The following IQSEC1 variants were observed in gnomAD, a reference collection of about 807,000 sequenced individuals.
IQSEC1 encodes the protein IQ motif and Sec7 domain ArfGEF 1, also known as IQ motif and SEC7 domain-containing protein 1.
Under a neutral mutation model 91.0 loss-of-function variants are expected in IQSEC1, and 31 were observed. That is an observed-to-expected ratio of 0.34 (90% confidence interval 0.26 to 0.46). The LOEUF (loss-of-function observed/expected upper bound fraction) is 0.46. Among genes scored for constraint, IQSEC1 ranks in the 20% least tolerant of loss-of-function variants. IQSEC1 has a pLI of 1.00. For synonymous variants in IQSEC1, 699 were observed against 662.6 expected, an observed-to-expected ratio of 1.05 and a Z score of -0.84; for missense variants, 1,388 against 1,575.6, an observed-to-expected ratio of 0.88 and a Z score of 2.02.
rs1021796973 is a variant in IQSEC1, at chr3:13,211,547, C to T, written c.273-47414G>A. Among the ~76,000 whole-genome samples, 16 of 152,132 alleles carry T rather than the reference C, an allele frequency of 1.1e-4. No homozygotes were observed. The highest frequency in any genetic ancestry group is 1.4e-4 in the African/African-American group (6 of 41,418). On this transcript the variant is annotated intron_variant, in intron 1 of 15. Transcript: ENST00000648114. This position sits in a 1 kb window ranked among gnomAD's most constrained non-coding sequence, Gnocchi z 5.3. ...CAGTGTCTTCAGCCACCTCCCTGGA[C>T]GCCCTTCCCCTAGTAGGAGCCCACA...
intron 9 of IQSEC1, among the ~76,000 whole-genome samples, chr3:12,912,176 C>T (rs907648372): frequency 6.6e-6 from 1 of 152,214 alleles, no homozygotes; most frequent in Non-Finnish European, 1.5e-5. Flanking sequence ...GGGCTAGCGA[C>T]GTGATCCCTG....
chr3:13,042,805 G>A (rs1704333227), intron 1 of IQSEC1, among the ~76,000 whole-genome samples: 1 of 152,190 alleles, frequency 6.6e-6, no homozygotes, highest in Non-Finnish European at 1.5e-5. Context: ...GCCGGCACTG[G>A]CTGGACAGTC....
chr3:13,015,190 A>T (rs111929162), intron 1 of IQSEC1, among the ~76,000 whole-genome samples: 1 of 152,144 alleles, frequency 6.6e-6, no homozygotes, highest in South Asian at 2.1e-4. Flanking sequence ...CTCGGCTGTA[A>T]ACTGGGCATT....
chr3:12,904,602 C>A (rs1000473405), intron 12 of IQSEC1, among the ~76,000 whole-genome samples: 1 of 152,186 alleles, frequency 6.6e-6, no homozygotes, highest in Admixed American at 6.5e-5. Context: ...CTCCACCCCC[C>A]TCTTGGGTGG....
At chr3:13,209,671 G>A (rs546386077) in intron 1 of IQSEC1, among the ~76,000 whole-genome samples, 10 of 152,312 alleles carry the variant, frequency 6.6e-5, no homozygotes, top group African/African-American at 1.9e-4. Flanking sequence ...CCTGCACTTC[G>A]GATTTTTAAT....
chr3:12,906,980 A>C (rs1280219803), intron 12 of IQSEC1, among the ~76,000 whole-genome samples: 1 of 152,170 alleles, frequency 6.6e-6, no homozygotes, highest in Non-Finnish European at 1.5e-5. Context: ...TCTGTCCCCC[A>C]GGGGATACCT....
Position 12,899,867 on chromosome 3 carries a change from G to A in IQSEC1, c.*1116C>T, listed in dbSNP as rs1694051991. On this transcript the variant is annotated 3_prime_UTR_variant, in exon 14 of 14. Coordinates refer to ENST00000613206, the MANE Select transcript of IQSEC1 (RefSeq NM_001134382.3). ...TGGTGTTGGGGAGACGAGGATGAGA[G>A]CTGGTCACTTTCATGTTGGAGATGA... The A allele has an allele frequency of 1.0e-5, 10 of 985,328 alleles. No individual in the cohort carries two copies. Among genetic ancestry groups the A allele is most frequent in the Middle Eastern group, 5.2e-4 (1 of 1,914 alleles). The allele number at this position is 985,328 out of a possible 1,614,324, so 61.0% of individuals were successfully genotyped here.
chr3:12,901,147 C>T lies in IQSEC1; in HGVS notation c.3181G>A (p.Gly1061Ser), dbSNP rs746343235. ...HIQHAHQYHH[G>S]PHGGHPAYGA... is the part of the protein sequence containing the mutation. Reference sequence around the variant, plus strand: ...TAGGCTGGGTGGCCCCCATGGGGGCCGTGGTGGTACTGGTGTGCGTGCTGG... The same window carrying T: ...TAGGCTGGGTGGCCCCCATGGGGGCTGTGGTGGTACTGGTGTGCGTGCTGG... The change falls in exon 14 of 14, where the codon GGC becomes AGC. Residue 1061 changes from glycine to serine, a missense_variant. This residue lies in a region of IQSEC1 where 329 missense variants were observed against 257.8 expected (regional missense o/e 1.28). Coordinates refer to ENST00000613206, the MANE Select transcript of IQSEC1 (RefSeq NM_001134382.3). 6.5e-6 allele frequency: 10 copies of T among 1,542,866 alleles called. No individual in the cohort carries two copies. The highest frequency in any genetic ancestry group is 2.4e-5 in the South Asian group (2 of 83,816).
intron 2 of IQSEC1, among the ~76,000 whole-genome samples, chr3:13,135,549 T>C (rs544848701): frequency 6.6e-6 from 1 of 152,310 alleles, no homozygotes; most frequent in African/African-American, 2.4e-5. Context: ...GGGACAGGGA[T>C]GGACCTTTTC....
chr3:13,261,754 G>A (rs1695391945), intron 1 of IQSEC1, among the ~76,000 whole-genome samples: 1 of 152,046 alleles, frequency 6.6e-6, no homozygotes, highest in African/African-American at 2.4e-5. Flanking sequence ...CAACATACCC[G>A]TGAAATTCAC....
chr3:13,135,937 C>A (rs1302734577), intron 2 of IQSEC1, among the ~76,000 whole-genome samples: 1 of 152,186 alleles, frequency 6.6e-6, no homozygotes, highest in Non-Finnish European at 1.5e-5. Context: ...GAAGCGCAGG[C>A]CCTGCCCCAG....
In IQSEC1 at chr3:13,146,846, G is replaced by A. The variant is rs558261847; in HGVS notation, c.302+17258C>T. ...GAGACTCTGTCCCTGCTAAAAAAAA[G>A]AATAACCTTGTCAATGTGGCAATCC... On this transcript the variant is annotated intron_variant, in intron 2 of 15. Coordinates refer to the IQSEC1 transcript ENST00000648114. Among the ~76,000 whole-genome samples, 8 of 152,184 alleles carry A rather than the reference G, an allele frequency of 5.3e-5. No homozygotes were observed. In the South Asian group the frequency reaches 1.7e-3, roughly 32 times the overall value.
At chr3:13,088,833 T>C (rs1012063180) in intron 2 of IQSEC1, among the ~76,000 whole-genome samples, 1 of 152,144 alleles carries the variant, frequency 6.6e-6, no homozygotes, top group African/African-American at 2.4e-5. Flanking sequence ...CCCAGGGGGA[T>C]ATTCAAAATA....
intron 3 of IQSEC1, among the ~76,000 whole-genome samples, chr3:12,932,432 T>C (rs555047548): frequency 6.6e-6 from 1 of 152,336 alleles, no homozygotes; most frequent in African/African-American, 2.4e-5. Flanking sequence ...GTCTACCAAC[T>C]ATGTGAGACT....
At chr3:13,079,099 G>C (rs1705606692) in intron 2 of IQSEC1, among the ~76,000 whole-genome samples, 1 of 152,230 alleles carries the variant, frequency 6.6e-6, no homozygotes, top group Admixed American at 6.5e-5. Flanking sequence ...CTGCACTGAT[G>C]TTGGGGTGCC....
chr3:12,987,996 C>T (rs1239655467), intron 1 of IQSEC1, among the ~76,000 whole-genome samples: 1 of 152,240 alleles, frequency 6.6e-6, no homozygotes, highest in Non-Finnish European at 1.5e-5. Context: ...AGAGACAGCT[C>T]ATGCCATGTG....
chr3:13,125,506 C>A (rs562446954), intron 2 of IQSEC1, among the ~76,000 whole-genome samples: 1 of 152,212 alleles, frequency 6.6e-6, no homozygotes, highest in African/African-American at 2.4e-5. Context: ...GCTGGAGGTG[C>A]GGGAACCAGC....
At chr3:13,083,002 G>A (rs1367921198) in intron 2 of IQSEC1, among the ~76,000 whole-genome samples, 3 of 152,150 alleles carry the variant, frequency 2.0e-5, no homozygotes, top group Admixed American at 2.0e-4. Context: ...TGCCCCGCCA[G>A]CTCCCTCACA....
At chr3:13,084,795 C>G (rs1219908349) in intron 2 of IQSEC1, among the ~76,000 whole-genome samples, 2 of 152,188 alleles carry the variant, frequency 1.3e-5, no homozygotes, top group Non-Finnish European at 2.9e-5. Context: ...ATGCCCAGAA[C>G]TGGGGAGGCG....
Sources: gnomAD v4.1 joint callset for allele counts (sites outside exome capture counted in the v4.1 genomes callset) on GRCh38, gnomAD v4.1.1 for gene constraint, gnomAD v4.1.1 regional missense constraint, Gnocchi (gnomAD v3.1) non-coding constraint, MANE v1.5 for transcripts, NCBI Gene and HGNC (gene_info 2026-07-23, HGNC 2026-07-21) for gene names.